KCTD5: variants seen among roughly 807,000 people sequenced by gnomAD.
The protein encoded by KCTD5 is BTB/POZ domain-containing protein KCTD5.
KCTD5 carries 12 observed loss-of-function variants against 27.9 expected under a neutral mutation model. The ratio of observed to expected loss-of-function variants is 0.43; its 90% confidence interval spans 0.28 to 0.70. The LOEUF (loss-of-function observed/expected upper bound fraction) is 0.70. Among genes scored for constraint, KCTD5 ranks in the 30% least tolerant of loss-of-function variants. The pLI is 0.19. For synonymous variants in KCTD5, 147 were observed against 121.4 expected (o/e 1.21, Z -1.39); for missense variants, 226 against 274.8 (o/e 0.82, Z 1.26).
chr16:2,685,043 A>G (rs1329688064), intron 1 of KCTD5, among the ~76,000 whole-genome samples: 1 of 152,236 alleles, frequency 6.6e-6, no homozygotes, highest in Non-Finnish European at 1.5e-5. Flanking sequence ...ATCATCATCC[A>G]TTTAACCAGG....
At chr16:2,699,686 G>C in intron 3 of KCTD5, 135 bp from the exon 4 acceptor site, 1 of 703,392 alleles carries the variant, frequency 1.4e-6, no homozygotes, top group Non-Finnish European at 2.5e-6. Flanking sequence ...ATGTGCTCAG[G>C]ATTGCTTTGG....
At chr16:2,688,485 AGG>A (rs2067552435) in intron 1 of KCTD5, among the ~76,000 whole-genome samples, 1 of 152,026 alleles carries the variant, frequency 6.6e-6, no homozygotes, top group Non-Finnish European at 1.5e-5. Context: ...TCCTGACCTC[AGG>A]TCATCCGCCC....
At chr16:2,682,905 TCTC>T in intron 1 of KCTD5, 105 bp downstream of exon 1, 1 of 1,360,126 alleles carries the variant, frequency 7.4e-7, no homozygotes, top group Non-Finnish European at 9.6e-7. Context: ...AGCGGGCGAC[TCTC>T]CTCGGGCTTC....
chr16:2,697,560 A>G (rs2067591872), intron 2 of KCTD5, among the ~76,000 whole-genome samples: 1 of 152,244 alleles, frequency 6.6e-6, no homozygotes, highest in South Asian at 2.1e-4. Context: ...AACCCCCAGC[A>G]TACCATGGCC....
chr16:2,699,974 A>G (rs545528605), intron 4 of KCTD5, 58 bp downstream of exon 4: 2 of 1,484,762 alleles, frequency 1.3e-6, no homozygotes, highest in Middle Eastern at 1.7e-4. Context: ...TGTGCTCACA[A>G]TGGCTCAGGG....
At chr16:2,683,349 TC>T (rs2067526965) in intron 1 of KCTD5, 1 of 152,418 alleles carries the variant, frequency 6.6e-6, no homozygotes, top group African/African-American at 2.4e-5. Context: ...CAGCACCCAC[TC>T]AGCACCTCTT....
In KCTD5 at chr16:2,682,809, C is replaced by G; in HGVS notation, c.252+9C>G. 6.3e-7 allele frequency: 1 copy of G among 1,586,150 alleles called. No homozygotes were observed. The highest frequency in any genetic ancestry group is 8.6e-7 in the Non-Finnish European group (1 of 1,168,578). ...ACCTGGACTCAGACAAGGTGAGGGC[C>G]TCACGGGCCAGCCCGGAGGGTCCTG... is the stretch of plus-strand genomic sequence containing the variant. On this transcript the variant is annotated intron_variant, in intron 1 of 5. Transcript: ENST00000301738.
chr16:2,687,755 C>T (rs2067546658), intron 1 of KCTD5, among the ~76,000 whole-genome samples: 2 of 152,116 alleles, frequency 1.3e-5, no homozygotes, highest in South Asian at 2.1e-4. Context: ...CCCTCCACGC[C>T]CCAGGTAAGC....
intron 5 of KCTD5, among the ~76,000 whole-genome samples, chr16:2,703,456 G>A (rs139276398): frequency 8.7e-4 from 133 of 152,270 alleles, no homozygotes; most frequent in Non-Finnish European, 1.6e-3. Context: ...GGCCAGAACC[G>A]GAAGGCTTTT....
intron 5 of KCTD5, among the ~76,000 whole-genome samples, chr16:2,706,233 G>C (rs933801038): frequency 6.6e-6 from 1 of 152,210 alleles, no homozygotes; most frequent in Non-Finnish European, 1.5e-5. Context: ...CAGCTCAGGG[G>C]ACGTGGCCTC....
At chr16:2,682,876 C>CA in intron 1 of KCTD5, 76 bp downstream of exon 1, 4 of 1,466,116 alleles carry the variant, frequency 2.7e-6, no homozygotes, top group Non-Finnish European at 3.6e-6. Context: ...CTGCTTCGTG[C>CA]GGAGGAGACT....
At chr16:2,704,871 G>A (rs1349092010) in intron 5 of KCTD5, among the ~76,000 whole-genome samples, 1 of 152,232 alleles carries the variant, frequency 6.6e-6, no homozygotes, top group Non-Finnish European at 1.5e-5. Context: ...CAGGAGTGGG[G>A]CCAGAGGCCA....
chr16:2,704,595 A>T (rs1249258656), intron 5 of KCTD5, among the ~76,000 whole-genome samples: 1 of 152,240 alleles, frequency 6.6e-6, no homozygotes, highest in East Asian at 1.9e-4. Context: ...ACAGGCTCAG[A>T]TCAGCAAGGG....
At chr16:2,702,238 G>A (rs966660442) in intron 4 of KCTD5, 115 bp from the exon 5 acceptor site, 7 of 1,314,502 alleles carry the variant, frequency 5.3e-6, no homozygotes, top group African/African-American at 4.4e-5. Flanking sequence ...CTGAAGCGTC[G>A]GCAGTCTTTG....
At chr16:2,682,939 G>C (rs929865469) in intron 1 of KCTD5, 139 bp downstream of exon 1, 41 of 1,099,188 alleles carry the variant, frequency 3.7e-5, no homozygotes, top group Non-Finnish European at 4.8e-5. Flanking sequence ...CTCCCTTGTC[G>C]CCAGCTCCTC....
intron 1 of KCTD5, among the ~76,000 whole-genome samples, chr16:2,695,463 A>G (rs1313719900): frequency 8.1e-6 from 1 of 123,938 alleles, no homozygotes; most frequent in African/African-American, 3.1e-5. Flanking sequence ...TGTCACCCTG[A>G]CCCCCGGTTC....
At chr16:2,684,764 C>CAAAAAA (rs1408507684) in intron 1 of KCTD5, 1 of 127,248 alleles carries the variant, frequency 7.9e-6, no homozygotes, top group African/African-American at 3.1e-5. Context: ...GACTCCATCA[C>CAAAAAA]AAAAAAAAAA....
chr16:2,689,483 C>A (rs2142052759), intron 1 of KCTD5, among the ~76,000 whole-genome samples: 1 of 129,406 alleles, frequency 7.7e-6, no homozygotes, highest in Non-Finnish European at 1.6e-5. Flanking sequence ...GCTCAGGGCA[C>A]TGCACCCTCT....
At position 2,702,369 on chromosome 16, in the gene KCTD5, C is replaced by A. The variant is rs763544870; in HGVS notation, c.566C>A (p.Ser189Tyr). 6.2e-7 allele frequency: 1 copy of A among 1,613,532 alleles called. No individual in the cohort carries two copies. Among genetic ancestry groups the A allele is most frequent in the Non-Finnish European group, 8.5e-7 (1 of 1,179,968 alleles). ...TCCTTGCAGTTGGTCAGCATCGGCT[C>A]CTCTTACAACTATGGGAACGAAGAC... is the stretch of plus-strand genomic sequence containing the variant. ...WKFEQLVSIG[S>Y]SYNYGNEDQA... Residue 189 changes from serine to tyrosine, a missense_variant, in exon 5 of 6, where the codon TCC becomes TAC. Transcript: ENST00000301738.
Sources: gnomAD v4.1 joint callset for allele counts (sites outside exome capture counted in the v4.1 genomes callset) on GRCh38, gnomAD v4.1.1 for gene constraint, MANE v1.5 for transcripts, NCBI Gene and HGNC (gene_info 2026-07-23, HGNC 2026-07-21) for gene names.